CNTNAP2: variants seen among roughly 807,000 people sequenced by gnomAD.
CNTNAP2 encodes the protein contactin-associated protein-like 2.
CNTNAP2 carries 98 observed loss-of-function variants against 155.2 expected under a neutral mutation model. The ratio of observed to expected loss-of-function variants is 0.63; its 90% confidence interval spans 0.54 to 0.75. The LOEUF (loss-of-function observed/expected upper bound fraction) is 0.75. Among genes scored for constraint, CNTNAP2 ranks in the 30% least tolerant of loss-of-function variants. The pLI is 0.00. For synonymous variants in CNTNAP2, 651 were observed against 631.2 expected (o/e 1.03, Z -0.47); for missense variants, 1,727 against 1,688.1 (o/e 1.02, Z -0.40).
intron 18 of CNTNAP2, among the ~76,000 whole-genome samples, chr7:148,210,351 T>C (rs1435630408): frequency 6.6e-6 from 1 of 152,226 alleles, no homozygotes; most frequent in East Asian, 1.9e-4. Flanking sequence ...TTCTAACCTG[T>C]TGACCACCAT....
intron 13 of CNTNAP2, among the ~76,000 whole-genome samples, chr7:147,698,808 C>T (rs1207201986): frequency 2.0e-5 from 3 of 152,196 alleles, no homozygotes; most frequent in Non-Finnish European, 4.4e-5. Flanking sequence ...AAGCAGTACC[C>T]TGCCTCAGCC....
chr7:148,381,044 A>G (rs531290032), intron 21 of CNTNAP2, among the ~76,000 whole-genome samples: 1 of 152,376 alleles, frequency 6.6e-6, no homozygotes, highest in South Asian at 2.1e-4. Flanking sequence ...CACCCCTTGC[A>G]GGGGTAAGCA....
In CNTNAP2 at chr7:147,222,913, A is replaced by C. The variant is rs113843380; in HGVS notation, c.1349-77228A>C. On this transcript the variant is annotated intron_variant, in intron 8 of 23. Transcript: ENST00000361727. ...TTTCTTCCAGGAAAGTTGGGTTATG[A>C]TAGAACCCCAACAGGTTGAATTCTG... is the stretch of plus-strand genomic sequence containing the variant. 3.4e-3 allele frequency among the ~76,000 whole-genome samples: 504 copies of C among 148,338 alleles called. 5 individuals are homozygous for C. Among genetic ancestry groups the C allele is most frequent in the African/African-American group, 0.012 (472 of 40,334 alleles).
intron 15 of CNTNAP2, chr7:148,013,978 TATG>T (rs1278427842): frequency 2.0e-5 from 3 of 152,206 alleles, no homozygotes; most frequent in Non-Finnish European, 4.4e-5. Flanking sequence ...GAGCCATAGA[TATG>T]ATAATACTCA....
intron 14 of CNTNAP2, among the ~76,000 whole-genome samples, chr7:147,914,266 C>T (rs982777559): frequency 2.6e-5 from 4 of 151,972 alleles, no homozygotes; most frequent in Non-Finnish European, 5.9e-5. Context: ...TTAGGCTGGT[C>T]GTGGTGGCTC....
chr7:146,341,215 A>G (rs768711466), intron 1 of CNTNAP2, among the ~76,000 whole-genome samples: 21 of 152,172 alleles, frequency 1.4e-4, no homozygotes, highest in Non-Finnish European at 2.1e-4. Context: ...TGATCAGATT[A>G]TAAGTCCTAA....
intron 13 of CNTNAP2, among the ~76,000 whole-genome samples, chr7:147,770,748 A>C (rs1797455992): frequency 6.6e-6 from 1 of 152,198 alleles, no homozygotes; most frequent in Non-Finnish European, 1.5e-5. Flanking sequence ...ATGGATTGGA[A>C]AACTGAACAT....
intron 1 of CNTNAP2, among the ~76,000 whole-genome samples, chr7:146,454,617 A>C (rs2129123071): frequency 6.6e-6 from 1 of 151,934 alleles, no homozygotes; most frequent in Non-Finnish European, 1.5e-5. Flanking sequence ...TATACATAAT[A>C]GTATATATAA....
intron 11 of CNTNAP2, among the ~76,000 whole-genome samples, chr7:147,559,241 A>C (rs942442824): frequency 5.3e-5 from 8 of 152,172 alleles, no homozygotes; most frequent in Admixed American, 3.3e-4. Context: ...ATTGTAGATA[A>C]AGGCCACACC....
At chr7:146,299,477 G>C (rs1387603943) in intron 1 of CNTNAP2, among the ~76,000 whole-genome samples, 3 of 152,022 alleles carry the variant, frequency 2.0e-5, no homozygotes, top group Non-Finnish European at 4.4e-5. Context: ...TAGAACCCCT[G>C]GGCTCAAGTA....
At chr7:147,762,155 TCACACA>T (rs72526174) in intron 13 of CNTNAP2, among the ~76,000 whole-genome samples, 66 of 144,438 alleles carry the variant, frequency 4.6e-4, no homozygotes, top group East Asian at 1.6e-3. Context: ...TCTCTCTGTC[TCACACA>T]CACACACACA....
At chr7:147,678,421 A>G (rs989023774) in intron 13 of CNTNAP2, among the ~76,000 whole-genome samples, 3 of 151,870 alleles carry the variant, frequency 2.0e-5, no homozygotes, top group African/African-American at 7.2e-5. Context: ...TGTGGCATTA[A>G]TTTTTAAAGT....
chr7:146,811,414 T>A (rs1431848706), intron 2 of CNTNAP2, among the ~76,000 whole-genome samples: 1 of 152,162 alleles, frequency 6.6e-6, no homozygotes, highest in Non-Finnish European at 1.5e-5. Context: ...TTATCTAATT[T>A]GTTGGCATAT....
At chr7:146,748,931 T>C (rs1801857560) in intron 1 of CNTNAP2, among the ~76,000 whole-genome samples, 1 of 152,198 alleles carries the variant, frequency 6.6e-6, no homozygotes, top group African/African-American at 2.4e-5. Flanking sequence ...ATTCAACCAT[T>C]TGACTACAAA....
At chr7:146,682,220 T>C (rs1450127666) in intron 1 of CNTNAP2, among the ~76,000 whole-genome samples, 1 of 152,104 alleles carries the variant, frequency 6.6e-6, no homozygotes, top group Non-Finnish European at 1.5e-5. Context: ...ACAATATATG[T>C]ATATACGTAT....
chr7:147,617,462 C>T (rs1224144156), intron 12 of CNTNAP2, among the ~76,000 whole-genome samples: 1 of 152,082 alleles, frequency 6.6e-6, no homozygotes, highest in Non-Finnish European at 1.5e-5. Flanking sequence ...ATATTACCAA[C>T]TTATGACATT....
At chr7:147,335,208 A>G (rs931386700) in intron 9 of CNTNAP2, among the ~76,000 whole-genome samples, 10 of 152,200 alleles carry the variant, frequency 6.6e-5, no homozygotes, top group African/African-American at 2.4e-4. Context: ...CTTAAATCTA[A>G]TATACAAGCA....
chr7:147,797,644 G>A (rs927463743), intron 13 of CNTNAP2, among the ~76,000 whole-genome samples: 1 of 152,012 alleles, frequency 6.6e-6, no homozygotes, highest in African/African-American at 2.4e-5. Flanking sequence ...ATAGTATAAT[G>A]TGCCTTATGA....
intron 14 of CNTNAP2, among the ~76,000 whole-genome samples, chr7:147,976,642 G>C (rs140965205): frequency 6.6e-6 from 1 of 152,178 alleles, no homozygotes; most frequent in Admixed American, 6.5e-5. Context: ...GGGTTTCTAT[G>C]GGTCCTGACA....
Sources: allele counts gnomAD v4.1 joint callset (sites outside exome capture counted in the v4.1 genomes callset), GRCh38; gene constraint gnomAD v4.1.1; transcripts MANE v1.5; gene names NCBI Gene and HGNC (gene_info 2026-07-23, HGNC 2026-07-21).